Variants in VPS39 observed in about 807,000 individuals in gnomAD.
VPS39 encodes the protein vam6/Vps39-like protein.
Under a neutral mutation model 121.0 loss-of-function variants are expected in VPS39, and 70 were observed. The observed-to-expected ratio is 0.58, with a 90% CI of 0.48 to 0.71. The LOEUF is 0.71. VPS39 is among the 30% of genes least tolerant of loss of function. The pLI, the probability that VPS39 is intolerant of heterozygous loss-of-function variation, is 0.00. For missense variants in VPS39, 818 were observed against 1,051.5 expected, an observed-to-expected ratio of 0.78 and a Z score of 3.07; for synonymous variants, 378 against 398.1, an observed-to-expected ratio of 0.95 and a Z score of 0.60.
chr15:42,192,118 G>T lies in VPS39; in HGVS notation c.140-558C>A, dbSNP rs771861930. On this transcript the variant is annotated intron_variant, in intron 2 of 24. Coordinates refer to ENST00000318006, the MANE Select transcript of VPS39 (RefSeq NM_015289.5). ...CTGGCACTGTTACAAAAAAGGGGAA[G>T]AAAGTTATATACCATAAAAACATGT... The T allele has an allele frequency of 1.4e-5, 22 of 1,536,168 alleles. No individual in the cohort carries two copies. In the African/African-American group the frequency reaches 2.2e-4, roughly 15 times the overall value.
At chr15:42,166,523 A>T (rs1424618761) in intron 15 of VPS39, 40 bp downstream of exon 15, 4 of 1,606,702 alleles carry the variant, frequency 2.5e-6, no homozygotes, top group Admixed American at 3.3e-5. Context: ...GGTCATTTGA[A>T]CAGGAGCGCT....
At position 42,170,741 on chromosome 15, in the gene VPS39, A is replaced by ATTTTTTTTTTTTTTTT. The variant is rs869280235; in HGVS notation, c.1091-891_1091-876dup. ...ATGGTGTTCTCACAGATGCTCGCAG[A>ATTTTTTTTTTTTTTTT]TTTTTTTTTTTTTTTTTTTTTTTTT... On this transcript the variant is annotated intron_variant, in intron 11 of 24. Transcript: ENST00000318006. 4.0e-5 allele frequency among the ~76,000 whole-genome samples: 2 copies of ATTTTTTTTTTTTTTTT among 50,472 alleles called. 1 individual carries two copies. The highest frequency in any genetic ancestry group is 7.0e-5 in the Non-Finnish European group (2 of 28,632). The allele number at this position is 50,472 out of a possible 152,430, so 33.1% of individuals were successfully genotyped here. A position where few individuals can be genotyped will look rare whatever the true frequency, so the allele number is the denominator to read the frequency against.
In VPS39 at chr15:42,189,110, T is replaced by G. The variant is rs2049767297; in HGVS notation, c.342+4A>C. 6.2e-7 allele frequency: 1 copy of G among 1,612,546 alleles called. No homozygotes were observed. Among genetic ancestry groups the G allele is most frequent in the East Asian group, 2.2e-5 (1 of 44,848 alleles). ...AAGCCAAATTTCATCTTGGGTAAAC[T>G]TACCTGGAGGTCACAAGTAAACAGT... On this transcript the variant is annotated splice_donor_region_variant and intron_variant, in intron 5 of 24. Transcript: ENST00000318006.
chr15:42,163,257 G>T, intron 21 of VPS39, 93 bp downstream of exon 21: 1 of 1,463,516 alleles, frequency 6.8e-7, no homozygotes. Flanking sequence ...CTCGTGCCCT[G>T]TCTTATTCTG....
intron 2 of VPS39, among the ~76,000 whole-genome samples, chr15:42,199,396 G>A (rs921429025): frequency 3.3e-5 from 5 of 152,084 alleles, no homozygotes; most frequent in Non-Finnish European, 5.9e-5. Flanking sequence ...ATAGAAAACT[G>A]ATGTTGGAAA....
intron 12 of VPS39, among the ~76,000 whole-genome samples, chr15:42,168,267 A>G (rs926520657): frequency 6.6e-6 from 1 of 152,218 alleles, no homozygotes; most frequent in Non-Finnish European, 1.5e-5. Flanking sequence ...ACCTTCCTAC[A>G]GCTAAGACAT....
At chr15:42,205,465 A>G (rs944006412) in intron 1 of VPS39, among the ~76,000 whole-genome samples, 6 of 152,208 alleles carry the variant, frequency 3.9e-5, no homozygotes, top group Non-Finnish European at 7.3e-5. Flanking sequence ...GAAACAGCAA[A>G]TGTAAAGGCC....
chr15:42,190,734 C>T (rs1266037450), intron 4 of VPS39, among the ~76,000 whole-genome samples: 3 of 152,190 alleles, frequency 2.0e-5, no homozygotes, highest in Non-Finnish European at 4.4e-5. Context: ...TTCCACAACA[C>T]TTTTTATAAA....
intron 9 of VPS39, 37 bp downstream of exon 9, chr15:42,178,412 GA>G: frequency 6.2e-7 from 1 of 1,613,938 alleles, no homozygotes; most frequent in Non-Finnish European, 8.5e-7. Flanking sequence ...ACAACTTTGG[GA>G]TAATATACAG....
At chr15:42,194,021 ACAG>A (rs902823417) in intron 2 of VPS39, among the ~76,000 whole-genome samples, 7 of 152,186 alleles carry the variant, frequency 4.6e-5, no homozygotes, top group African/African-American at 1.4e-4. Flanking sequence ...ACCCTAGCAC[ACAG>A]CAGAAGTGCT....
intron 2 of VPS39, among the ~76,000 whole-genome samples, chr15:42,196,068 G>A (rs2140884545): frequency 6.6e-6 from 1 of 152,200 alleles, no homozygotes; most frequent in African/African-American, 2.4e-5. Flanking sequence ...CAAGAAATGG[G>A]GAAAGGATTC....
At chr15:42,165,149 T>C in intron 17 of VPS39, 36 bp from the exon 18 acceptor site, 2 of 1,599,376 alleles carry the variant, frequency 1.3e-6, no homozygotes, top group Non-Finnish European at 1.7e-6. Context: ...ACTGGTATTC[T>C]CCAGGCTGTG....
intron 10 of VPS39, 47 bp from the exon 11 acceptor site, chr15:42,173,899 T>C (rs2049395450): frequency 1.2e-6 from 2 of 1,605,628 alleles, no homozygotes; most frequent in Non-Finnish European, 8.5e-7. Flanking sequence ...TCAACAAATA[T>C]TGTTCAGTAT....
At chr15:42,204,283 A>G (rs2050124257) in intron 1 of VPS39, among the ~76,000 whole-genome samples, 1 of 152,248 alleles carries the variant, frequency 6.6e-6, no homozygotes, top group African/African-American at 2.4e-5. Flanking sequence ...AAAAATGCAC[A>G]TTCCTGGGCC....
intron 10 of VPS39, among the ~76,000 whole-genome samples, chr15:42,177,802 G>A (rs1480404893): frequency 3.9e-5 from 6 of 152,122 alleles, no homozygotes; most frequent in Non-Finnish European, 8.8e-5. Context: ...GAGTGGCTGG[G>A]ATTACAGGTT....
Position 42,178,484 on chromosome 15 carries a change from C to G in VPS39, c.805G>C (p.Glu269Gln). Reference protein sequence around the residue: ...FEPRLLVQSIELQRPRFITSG... With the variant: ...FEPRLLVQSIQLQRPRFITSG... Reference sequence around the variant, plus strand: ...GTAATGAAACGGGGCCTTTGCAATTCAATGCTTTGGACCAGAAGCCTCGGT... The same window carrying G: ...GTAATGAAACGGGGCCTTTGCAATTGAATGCTTTGGACCAGAAGCCTCGGT... The change falls in exon 9 of 25, where the codon GAA (glutamate) becomes CAA (glutamine). Residue 269 changes from glutamate (E) to glutamine (Q), a missense_variant. Physicochemically the swap from Glu to Gln is conservative, Grantham distance 29. Transcript: ENST00000318006. 6.2e-7 allele frequency: 1 copy of G among 1,614,148 alleles called. No homozygotes were observed. Among genetic ancestry groups the G allele is most frequent in the Non-Finnish European group, 8.5e-7 (1 of 1,180,042 alleles).
At chr15:42,196,471 GA>G (rs1206836653) in intron 2 of VPS39, among the ~76,000 whole-genome samples, 1 of 151,898 alleles carries the variant, frequency 6.6e-6, no homozygotes, top group Non-Finnish European at 1.5e-5. Flanking sequence ...AAACTTACAA[GA>G]AAAAAACCAA....
chr15:42,201,433 C>T (rs997244037), intron 1 of VPS39, among the ~76,000 whole-genome samples: 4 of 152,188 alleles, frequency 2.6e-5, no homozygotes, highest in African/African-American at 4.8e-5. Context: ...CTTCAGCTTC[C>T]CAAAGTGTTG....
At chr15:42,190,785 T>G (rs1342414079) in intron 4 of VPS39, among the ~76,000 whole-genome samples, 1 of 152,252 alleles carries the variant, frequency 6.6e-6, no homozygotes, top group Non-Finnish European at 1.5e-5. Context: ...GATTACTTCC[T>G]GTCATTTAGT....
Sources: gnomAD v4.1 joint callset for allele counts (sites outside exome capture counted in the v4.1 genomes callset) on GRCh38, gnomAD v4.1.1 for gene constraint, MANE v1.5 for transcripts, NCBI Gene and HGNC (gene_info 2026-07-23, HGNC 2026-07-21) for gene names.